DIAPH2: variants seen among roughly 807,000 people sequenced by gnomAD.
The protein encoded by DIAPH2 is protein diaphanous homolog 2.
In DIAPH2, 35 loss-of-function variants were observed where a neutral mutation model predicts 92.7. The ratio of observed to expected loss-of-function variants is 0.38; its 90% CI spans 0.29 to 0.50. DIAPH2 has a LOEUF of 0.50. Among genes scored for constraint, DIAPH2 ranks in the 20% least tolerant of loss-of-function variants. DIAPH2 has a pLI of 0.94. For missense variants in DIAPH2, 701 were observed against 819.5 expected (o/e 0.86, Z 1.77); for synonymous variants, 301 against 280.4 (o/e 1.07, Z -0.73).
At chrX:96,727,917 G>A (rs1236396146) in intron 1 of DIAPH2, among the ~76,000 whole-genome samples, 2 of 108,187 alleles carry the variant, frequency 1.8e-5, no homozygotes, top group African/African-American at 6.7e-5. Flanking sequence ...ATGATGGCGG[G>A]CACCTGTATC....
intron 4 of DIAPH2, among the ~76,000 whole-genome samples, chrX:96,817,335 G>T (rs1021728141): frequency 9.0e-6 from 1 of 110,532 alleles, no homozygotes; most frequent in African/African-American, 3.3e-5. Flanking sequence ...ATCTCATGTA[G>T]CTCATAAATA....
intron 19 of DIAPH2, among the ~76,000 whole-genome samples, chrX:97,081,069 T>G (rs184667583): frequency 6.8e-4 from 76 of 112,174 alleles, no homozygotes; most frequent in Non-Finnish European, 1.2e-3. Flanking sequence ...CAACTTGTAT[T>G]CACCATGTTC....
intron 26 of DIAPH2, among the ~76,000 whole-genome samples, chrX:97,492,542 A>G (rs992356204): frequency 4.5e-5 from 5 of 111,505 alleles, no homozygotes; most frequent in Admixed American, 2.9e-4. Context: ...CTGTTTTAGC[A>G]TCTGTTCATT....
At chrX:97,442,095 C>T (rs2070265371) in intron 26 of DIAPH2, 1 of 113,087 alleles carries the variant, frequency 8.8e-6, no homozygotes, top group Non-Finnish European at 1.9e-5. Context: ...ATCAGCTCTG[C>T]TGCACATTTC....
chrX:96,859,712 G>T (rs1306157272), intron 4 of DIAPH2, among the ~76,000 whole-genome samples: 3 of 108,862 alleles, frequency 2.8e-5, no homozygotes, highest in Non-Finnish European at 1.9e-5. Context: ...TGCAGTCTTG[G>T]CTCACTGCAA....
intron 3 of DIAPH2, among the ~76,000 whole-genome samples, chrX:96,751,441 T>C (rs1284129008): frequency 5.8e-5 from 6 of 102,732 alleles, no homozygotes; most frequent in Non-Finnish European, 1.2e-4. Flanking sequence ...CCGAGCGTGG[T>C]GGTGGGCGCC....
intron 22 of DIAPH2, among the ~76,000 whole-genome samples, chrX:97,161,107 ACT>A (rs1212768915): frequency 1.2e-5 from 1 of 85,799 alleles, no homozygotes; most frequent in East Asian, 3.6e-4. Flanking sequence ...GCAGCCGGGG[ACT>A]CTCTGTAGGA....
At chrX:96,818,008 G>A (rs2064749299) in intron 4 of DIAPH2, among the ~76,000 whole-genome samples, 1 of 71,667 alleles carries the variant, frequency 1.4e-5, no homozygotes, top group Non-Finnish European at 2.6e-5. Flanking sequence ...TTGAGACGGA[G>A]TCTCGCTCTG....
intron 22 of DIAPH2, among the ~76,000 whole-genome samples, chrX:97,178,856 T>C (rs1180244580): frequency 9.1e-6 from 1 of 109,393 alleles, no homozygotes; most frequent in Admixed American, 9.9e-5. Context: ...TTTGAGGGAG[T>C]GGGTTCATTT....
intron 4 of DIAPH2, among the ~76,000 whole-genome samples, chrX:96,832,693 T>G (rs1042463438): frequency 1.8e-5 from 2 of 111,403 alleles, no homozygotes; most frequent in Non-Finnish European, 3.8e-5. Flanking sequence ...AGTGATAAAT[T>G]TGAAGATTCT....
intron 17 of DIAPH2, among the ~76,000 whole-genome samples, chrX:96,973,789 G>A (rs1436600751): frequency 9.6e-6 from 1 of 103,849 alleles, no homozygotes. Flanking sequence ...TCCACCTCAC[G>A]GGTTCAAGTG....
Position 96,912,324 on chromosome X carries a change from T to TCAG in DIAPH2, c.588-2_588dup. The TCAG allele has an allele frequency of 8.4e-7, 1 of 1,191,016 alleles. No homozygotes were observed. The highest frequency in any genetic ancestry group is 1.7e-5 in the African/African-American group (1 of 57,193). ...ATACATCTAATTTTTTGTTTATTTC[T>TCAG]CAGCTGGGTTAACAACTTTGGCCAT... On this transcript the variant is annotated splice_polypyrimidine_tract_variant and splice_region_variant and intron_variant, in intron 5 of 26. Coordinates refer to ENST00000324765, the MANE Select transcript of DIAPH2 (RefSeq NM_006729.5).
chrX:97,430,070 A>C (rs569278229), intron 26 of DIAPH2, among the ~76,000 whole-genome samples: 111 of 111,887 alleles, frequency 9.9e-4, no homozygotes, highest in Non-Finnish European at 1.7e-3. Context: ...AAATGTAATT[A>C]AATCATTAAA....
At chrX:96,820,829 TA>T (rs757361004) in intron 4 of DIAPH2, among the ~76,000 whole-genome samples, 1 of 111,292 alleles carries the variant, frequency 9.0e-6, no homozygotes, top group South Asian at 3.8e-4. Flanking sequence ...TAAAAAGAAT[TA>T]AAATGGAAAG....
intron 5 of DIAPH2, among the ~76,000 whole-genome samples, chrX:96,890,866 C>T (rs1008654154): frequency 8.9e-6 from 1 of 112,018 alleles, no homozygotes; most frequent in African/African-American, 3.2e-5. Flanking sequence ...TATCTCAGAT[C>T]ACTCTGTTAC....
At chrX:96,844,020 G>A (rs1025973023) in intron 4 of DIAPH2, among the ~76,000 whole-genome samples, 1 of 112,206 alleles carries the variant, frequency 8.9e-6, no homozygotes, top group Non-Finnish European at 1.9e-5. Flanking sequence ...GGTTACCAGA[G>A]ATTTGTAAAT....
intron 18 of DIAPH2, among the ~76,000 whole-genome samples, chrX:97,073,499 A>G (rs1005414208): frequency 1.9e-4 from 21 of 112,353 alleles, no homozygotes; most frequent in African/African-American, 6.5e-4. Flanking sequence ...AAAACTGGTT[A>G]GTGAATCTTG....
intron 26 of DIAPH2, among the ~76,000 whole-genome samples, chrX:97,486,476 G>A (rs1425850804): frequency 8.9e-6 from 1 of 112,010 alleles, no homozygotes; most frequent in Non-Finnish European, 1.9e-5. Flanking sequence ...TACCAGAACA[G>A]TATATATGTT....
intron 26 of DIAPH2, among the ~76,000 whole-genome samples, chrX:97,539,991 G>A (rs1395106399): frequency 6.3e-5 from 7 of 111,767 alleles, no homozygotes; most frequent in Non-Finnish European, 1.3e-4. Flanking sequence ...ACAAGTGAAG[G>A]AAATGAGCAA....
Sources: gnomAD v4.1 joint callset for allele counts (sites outside exome capture counted in the v4.1 genomes callset) on GRCh38, gnomAD v4.1.1 for gene constraint, MANE v1.5 for transcripts, NCBI Gene and HGNC (gene_info 2026-07-23, HGNC 2026-07-21) for gene names.